The following NR4A2 variants were observed in gnomAD, a reference collection of about 807,000 sequenced individuals.
NR4A2 encodes the protein NGFI-B/nur77 beta-type transcription factor homolog.
In NR4A2, 1 loss-of-function variant was observed where a neutral mutation model predicts 50.5. The observed-to-expected ratio is 0.02, with a 90% CI of 0.01 to 0.09. NR4A2 has a LOEUF of 0.09. NR4A2 is among the 10% of genes least tolerant of loss of function. The pLI is 1.00. For missense variants in NR4A2, 613 were observed against 777.3 expected (o/e 0.79, Z 2.51); for synonymous variants, 328 against 309.4 (o/e 1.06, Z -0.63).
At chr2:156,332,382 C>T (rs922092792) in intron 1 of NR4A2, 98 bp downstream of exon 1, 1 of 1,068,286 alleles carries the variant, frequency 9.4e-7, no homozygotes, top group African/African-American at 1.6e-5. Context: ...CTGGCTCCCA[C>T]TTCCAGAGAA....
intron 1 of NR4A2, among the ~76,000 whole-genome samples, 168 bp downstream of exon 1, chr2:156,332,311 GC>G (rs1225140456): frequency 1.3e-5 from 2 of 152,106 alleles, no homozygotes; most frequent in Non-Finnish European, 2.9e-5. Context: ...TCGAACAAAT[GC>G]CCCCCGGTAA....
Position 156,332,490 on chromosome 2 carries a change from T to G in NR4A2, c.-137A>C. 2 of 1,289,224 alleles carry G rather than the reference T, an allele frequency of 1.6e-6. No individual in the cohort carries two copies. The highest frequency in any genetic ancestry group is 2.0e-6 in the Non-Finnish European group (2 of 988,668). The allele number at this position is 1,289,224 out of a possible 1,614,324, so 79.9% of individuals were successfully genotyped here. A position where few individuals can be genotyped will look rare whatever the true frequency, so the allele number is the denominator to read the frequency against. ...GCTGCATCTACTCACTTAGGAGTTC[T>G]CCGCGTCTGTCTTCATTCATTCAAC... is the stretch of plus-strand genomic sequence containing the variant. On this transcript the variant is annotated 5_prime_UTR_variant, in exon 1 of 8. Coordinates refer to ENST00000339562, the MANE Select transcript of NR4A2 (RefSeq NM_006186.4).
chr2:156,325,623 CA>C lies in NR4A2; in HGVS notation c.*120del, dbSNP rs556640726. 12 of 1,291,770 alleles carry C rather than the reference CA, an allele frequency of 9.3e-6. No homozygotes were observed. In the South Asian group the frequency reaches 1.3e-4, roughly 14 times the overall value. The allele number at this position is 1,291,770 out of a possible 1,614,324, so 80.0% of individuals were successfully genotyped here. ...GGGATCAAGGGGGCTAGGAGGGTTA[CA>C]GAAATGGGGGGCAGCTTGAGCTGAG... On this transcript the variant is annotated 3_prime_UTR_variant, in exon 8 of 8. Transcript: ENST00000339562.
rs1205885479 is a variant in NR4A2 at position 156,332,689 on chromosome 2, C to T, written c.-336G>A. On this transcript the variant is annotated 5_prime_UTR_variant, in exon 1 of 8. Transcript: ENST00000339562. The stretch of plus-strand genomic sequence containing the variant: ...GCGCGAGCCGCCGGGCGGACTGGCC[C>T]TGGCCGCCAATGTGCCTTTGTTTAT... 1 of 379,410 alleles carries T rather than the reference C, an allele frequency of 2.6e-6. No homozygotes were observed. Among genetic ancestry groups the T allele is most frequent in the African/African-American group, 2.1e-5 (1 of 47,188 alleles). 23.5% of individuals were successfully genotyped at this position (379,410 alleles called of 1,614,324 possible).
Position 156,330,836 on chromosome 2 carries a change from G to A in NR4A2, c.-126-45C>T, listed in dbSNP as rs867901102. 101 of 1,239,614 alleles carry A rather than the reference G, an allele frequency of 8.1e-5. 1 individual carries two copies. The highest frequency in any genetic ancestry group is 6.2e-4 in the Middle Eastern group (2 of 3,212). 76.8% of individuals were successfully genotyped at this position (1,239,614 alleles called of 1,614,324 possible). A position where few individuals can be genotyped will look rare whatever the true frequency, so the allele number is the denominator to read the frequency against. On this transcript the variant is annotated intron_variant, in intron 1 of 7. Transcript: ENST00000339562. ...AGCTTCAGGGTTTCTTCCCGACAGA[G>A]ATTCAGCTGGGCATATGTAGACTCA...
At position 156,326,971 on chromosome 2, in the gene NR4A2, C is replaced by A; in HGVS notation, c.1159-51G>T. On this transcript the variant is annotated intron_variant, in intron 5 of 7. Transcript: ENST00000339562. This position sits in a 1 kb window ranked among gnomAD's most constrained non-coding sequence, Gnocchi z 4.2. Reference sequence around the variant, plus strand: ...TAATGAGGTTCTCTAAAATATATAACCCGTGAAATTGCTAACCCCGTTTCT... The same window carrying A: ...TAATGAGGTTCTCTAAAATATATAAACCGTGAAATTGCTAACCCCGTTTCT... 6.4e-7 allele frequency: 1 copy of A among 1,570,232 alleles called. No homozygotes were observed. Among genetic ancestry groups the A allele is most frequent in the Non-Finnish European group, 8.7e-7 (1 of 1,142,946 alleles).
rs773026467 is a variant in NR4A2 at position 156,329,454 on chromosome 2, C to A, written c.733G>T (p.Asp245Tyr). The change falls in exon 3 of 8, where the codon GAC becomes TAC. Residue 245 changes from aspartate to tyrosine, a missense_variant. Asp to Tyr is a radical substitution (Grantham distance 160, BLOSUM62 -3). Coordinates refer to ENST00000339562, the MANE Select transcript of NR4A2 (RefSeq NM_006186.4). This position sits in a 1 kb window ranked among gnomAD's most constrained non-coding sequence, Gnocchi z 7.5. ...GACGGCGGTGAGGGCACCTGCGTGT[C>A]GAGCAGCTGAGACGCGTGGCCGATC... ...LQIGHASQLL[D>Y]TQVPSPPSRG... 1.2e-6 allele frequency: 2 copies of A among 1,608,316 alleles called. No homozygotes were observed. The highest frequency in any genetic ancestry group is 3.3e-5 in the Admixed American group (2 of 59,892).
Position 156,332,608 on chromosome 2 carries a change from G to A in NR4A2, c.-255C>T. 1.3e-6 allele frequency: 1 copy of A among 759,550 alleles called. No homozygotes were observed. The highest frequency in any genetic ancestry group is 2.0e-6 in the Non-Finnish European group (1 of 506,712). The allele number at this position is 759,550 out of a possible 1,614,324, so 47.1% of individuals were successfully genotyped here. A position where few individuals can be genotyped will look rare whatever the true frequency, so the allele number is the denominator to read the frequency against. The stretch of plus-strand genomic sequence containing the variant: ...GAAGGGAACCCGGACACCTCACGGA[G>A]GGAGGGAGCAGGGACAGGCGGCCGG... On this transcript the variant is annotated 5_prime_UTR_variant, in exon 1 of 8. Transcript: ENST00000339562.
chr2:156,324,482 CAAAG>C lies in NR4A2; in HGVS notation c.*1258_*1261del, dbSNP rs892300654. 6.6e-6 allele frequency: 1 copy of C among 152,122 alleles called. No individual in the cohort carries two copies. The highest frequency in any genetic ancestry group is 1.5e-5 in the Non-Finnish European group (1 of 67,956). The allele number at this position is 152,122 out of a possible 1,614,324, so 9.4% of individuals were successfully genotyped here. ...TTGTAAACATTAAAATTGTCTTTCTCAAAGAAAGAATTTATCAGAAAAAAAATCA... is the reference window on the plus strand; with the variant it reads ...TTGTAAACATTAAAATTGTCTTTCTCAAAGAATTTATCAGAAAAAAAATCA... On this transcript the variant is annotated 3_prime_UTR_variant, in exon 8 of 8. Transcript: ENST00000339562.
rs1686603987 is a variant in NR4A2, at chr2:156,325,588, G to C, written c.*156C>G. The C allele has an allele frequency of 1.0e-6, 1 of 994,840 alleles. No individual in the cohort carries two copies. Among genetic ancestry groups the C allele is most frequent in the East Asian group, 2.5e-5 (1 of 40,334 alleles). The allele number at this position is 994,840 out of a possible 1,614,324, so 61.6% of individuals were successfully genotyped here. A position where few individuals can be genotyped will look rare whatever the true frequency, so the allele number is the denominator to read the frequency against. On this transcript the variant is annotated 3_prime_UTR_variant, in exon 8 of 8. Coordinates refer to ENST00000339562, the MANE Select transcript of NR4A2 (RefSeq NM_006186.4). ...AGCAACAGTTTTTGTTTGTTTGTTT[G>C]TTTTCTTTAGGGATCAAGGGGGCTA...
Position 156,328,970 on chromosome 2 carries a change from G to A in NR4A2, c.864+353C>T, listed in dbSNP as rs1045047580. ...GTTCCACTTGGTTAGCTCAGACACG[G>A]TTCTCTGTCCTAACCAATTTCATTC... On this transcript the variant is annotated intron_variant, in intron 3 of 7. Transcript: ENST00000339562. This position sits in a 1 kb window ranked among gnomAD's most constrained non-coding sequence, Gnocchi z 4.9. Among the ~76,000 whole-genome samples, 5 of 152,222 alleles carry A rather than the reference G, an allele frequency of 3.3e-5. No individual in the cohort carries two copies. Among genetic ancestry groups the A allele is most frequent in the South Asian group, 4.1e-4 (2 of 4,828 alleles).
rs746546938 is a variant in NR4A2 at position 156,325,885 on chromosome 2, C to A, written c.1656G>T (p.Leu552Phe). 6.2e-7 allele frequency: 1 copy of A among 1,614,200 alleles called. No individual in the cohort carries two copies. Residue 552 changes from leucine (L) to phenylalanine (F), a missense_variant, in exon 8 of 8, where the codon TTG becomes TTT. Leu to Phe is a conservative substitution (Grantham distance 22). This residue lies in a region of NR4A2 where 250 missense variants were observed against 311.3 expected (regional missense o/e 0.80). Transcript: ENST00000339562. ...CTGGGAGCTTCCCCAACAGTTTGGA[C>A]AAATAATTGGGGCGGTTCAACCCCC... ...NNGGLNRPNY[L>F]SKLLGKLPEL...
rs955159982 is a variant in NR4A2 at position 156,326,924 on chromosome 2, G to C, written c.1159-4C>G. 1 of 1,613,934 alleles carries C rather than the reference G, an allele frequency of 6.2e-7. No homozygotes were observed. The highest frequency in any genetic ancestry group is 1.3e-5 in the African/African-American group (1 of 75,040). ...GATAGTCAGGGTTCGCCTGGAACTG[G>C]AATTTCATTTTAAAAAGCACTTAAT... On this transcript the variant is annotated splice_region_variant and splice_polypyrimidine_tract_variant and intron_variant, in intron 5 of 7. Coordinates refer to ENST00000339562, the MANE Select transcript of NR4A2 (RefSeq NM_006186.4). This position sits in a 1 kb window ranked among gnomAD's most constrained non-coding sequence, Gnocchi z 4.2.
In NR4A2 at chr2:156,332,529, A is replaced by C; in HGVS notation, c.-176T>G. 1 of 1,289,024 alleles carries C rather than the reference A, an allele frequency of 7.8e-7. No individual in the cohort carries two copies. The highest frequency in any genetic ancestry group is 1.0e-6 in the Non-Finnish European group (1 of 988,584). 79.8% of individuals were successfully genotyped at this position (1,289,024 alleles called of 1,614,324 possible). A position where few individuals can be genotyped will look rare whatever the true frequency, so the allele number is the denominator to read the frequency against. On this transcript the variant is annotated 5_prime_UTR_variant, in exon 1 of 8. Coordinates refer to ENST00000339562, the MANE Select transcript of NR4A2 (RefSeq NM_006186.4). Reference sequence around the variant, plus strand: ...CATTCATTCAACTCTGCCGAAGTGCAGTTCCCTCTGGGAGCCCGGGCGCCG... The same window carrying C: ...CATTCATTCAACTCTGCCGAAGTGCCGTTCCCTCTGGGAGCCCGGGCGCCG...
Position 156,326,262 on chromosome 2 carries a change from A to C in NR4A2, c.1428T>G (p.Val476=). 6.2e-7 allele frequency: 1 copy of C among 1,614,240 alleles called. No individual in the cohort carries two copies. Among genetic ancestry groups the C allele is most frequent in the South Asian group, 1.1e-5 (1 of 91,090 alleles). The change falls in exon 7 of 8, where the codon GTT becomes GTG. Residue 476 remains valine, a synonymous_variant. Transcript: ENST00000339562. This position sits in a 1 kb window ranked among gnomAD's most constrained non-coding sequence, Gnocchi z 4.2. ...NGVVLHRLQC[V]RGFGEWIDSI... ...AATCAATCCATTCCCCAAAGCCACG[A>C]ACGCATTGCAACCTGTGCAAGACCA...
In NR4A2 at chr2:156,330,062, A is replaced by G; in HGVS notation, c.125T>C (p.Phe42Ser). 1 of 1,614,128 alleles carries G rather than the reference A, an allele frequency of 6.2e-7. No individual in the cohort carries two copies. Among genetic ancestry groups the G allele is most frequent in the Non-Finnish European group, 8.5e-7 (1 of 1,180,020 alleles). Reference sequence around the variant, plus strand: ...TTCAGTGTTGGTGAGGTCCATGCTAAACTTGACAAACTCTGGAGTTAAGAA... The same window carrying G: ...TTCAGTGTTGGTGAGGTCCATGCTAGACTTGACAAACTCTGGAGTTAAGAA... ...SDFLTPEFVK[F>S]SMDLTNTEIT... The change falls in exon 3 of 8, where the codon TTT becomes TCT. Residue 42 changes from phenylalanine to serine, a missense_variant. Physicochemically the swap from Phe to Ser is radical, Grantham distance 155. Around this residue, in one of 4 missense-constraint regions of NR4A2, gnomAD observed 61 missense variants for 96.4 expected, o/e 0.63. Coordinates refer to ENST00000339562, the MANE Select transcript of NR4A2 (RefSeq NM_006186.4).
chr2:156,330,621 T>A (rs1686882935), intron 2 of NR4A2, 47 bp downstream of exon 2: 1 of 1,359,354 alleles, frequency 7.4e-7, no homozygotes, highest in South Asian at 2.1e-5. Context: ...TTTCTTGATG[T>A]TTGGGGAGCT....
rs1386577088 is a variant in NR4A2 at position 156,329,582 on chromosome 2, A to C, written c.605T>G (p.Met202Arg). The C allele has an allele frequency of 1.2e-6, 2 of 1,604,642 alleles. No homozygotes were observed. The highest frequency in any genetic ancestry group is 2.2e-5 in the South Asian group (2 of 90,646). ...MRFDGPLHVP[M>R]NPEPAGSHHV... ...GTGGCTGCCGGCGGGCTCCGGGTTC[A>C]TGGGGACGTGCAGGGGCCCGTCGAA... is the stretch of plus-strand genomic sequence containing the variant. Residue 202 changes from methionine (M) to arginine (R), a missense_variant, in exon 3 of 8, where the codon ATG becomes AGG. Transcript: ENST00000339562. The surrounding 1 kb of genome is among the most constrained non-coding windows in gnomAD (Gnocchi z 7.5).
chr2:156,325,912 A>T lies in NR4A2; in HGVS notation c.1629T>A (p.Asn543Lys). The change falls in exon 8 of 8, where the codon AAT becomes AAA. Residue 543 changes from asparagine to lysine, a missense_variant. Around this residue, in one of 4 missense-constraint regions of NR4A2, gnomAD observed 250 missense variants for 311.3 expected, o/e 0.80. Coordinates refer to ENST00000339562, the MANE Select transcript of NR4A2 (RefSeq NM_006186.4). The part of the protein sequence containing the change: ...NCLKDHVTFN[N>K]GGLNRPNYLS... ...AATAATTGGGGCGGTTCAACCCCCC[A>T]TTGTTGAAAGTCACGTGGTCTTTGA... 1 of 1,614,222 alleles carries T rather than the reference A, an allele frequency of 6.2e-7. No homozygotes were observed. The highest frequency in any genetic ancestry group is 8.5e-7 in the Non-Finnish European group (1 of 1,180,032).
Sources: gnomAD v4.1 joint callset for allele counts (sites outside exome capture counted in the v4.1 genomes callset) on GRCh38, gnomAD v4.1.1 for gene constraint, gnomAD v4.1.1 regional missense constraint, Gnocchi (gnomAD v3.1) non-coding constraint, MANE v1.5 for transcripts, NCBI Gene and HGNC (gene_info 2026-07-23, HGNC 2026-07-21) for gene names.